The following CLSTN2 variants were observed in gnomAD, a reference collection of about 807,000 sequenced individuals.
CLSTN2 encodes calsyntenin-2.
In CLSTN2, 48 loss-of-function variants were observed where a neutral mutation model predicts 101.2. The ratio of observed to expected loss-of-function variants is 0.47; its 90% CI spans 0.38 to 0.60. CLSTN2 has a LOEUF of 0.60. Ranked by LOEUF, CLSTN2 falls within the 20% of genes least tolerant of loss-of-function variation. The probability of loss-of-function intolerance (pLI) is 0.00; values close to 1 mark genes in which losing one functional copy is unlikely to be tolerated. For synonymous variants in CLSTN2, 481 were observed against 463.6 expected (o/e 1.04, Z -0.48); for missense variants, 1,160 against 1,238.2 (o/e 0.94, Z 0.95).
chr3:140,383,114 G>A (rs1432575220), intron 2 of CLSTN2, among the ~76,000 whole-genome samples: 7 of 152,144 alleles, frequency 4.6e-5, no homozygotes, highest in Admixed American at 2.0e-4. Flanking sequence ...TGTGAGGATA[G>A]TAAAATGACT....
intron 1 of CLSTN2, among the ~76,000 whole-genome samples, chr3:140,104,492 A>G (rs577902349): frequency 1.3e-5 from 2 of 152,322 alleles, no homozygotes; most frequent in South Asian, 4.1e-4. Flanking sequence ...ATTGGCTAAG[A>G]CTATAGTAGT....
chr3:140,291,065 C>A (rs2086945837), intron 2 of CLSTN2, among the ~76,000 whole-genome samples: 1 of 152,138 alleles, frequency 6.6e-6, no homozygotes, highest in South Asian at 2.1e-4. Flanking sequence ...TCCTTCTCAG[C>A]AAAACATTAC....
intron 1 of CLSTN2, among the ~76,000 whole-genome samples, chr3:140,171,826 A>AT (rs2010237795): frequency 7.6e-5 from 7 of 92,276 alleles, no homozygotes; most frequent in Admixed American, 4.3e-4. Flanking sequence ...TATATTATAT[A>AT]TAATAACAAT....
At chr3:140,040,477 G>A (rs977826862) in intron 1 of CLSTN2, among the ~76,000 whole-genome samples, 1 of 151,946 alleles carries the variant, frequency 6.6e-6, no homozygotes, top group African/African-American at 2.4e-5. Flanking sequence ...CCTCACCCCT[G>A]GCAAGCATTC....
chr3:140,046,159 T>C (rs1301682751), intron 1 of CLSTN2, among the ~76,000 whole-genome samples: 2 of 152,248 alleles, frequency 1.3e-5, no homozygotes, highest in African/African-American at 4.8e-5. Context: ...AGTCTCTTTG[T>C]AGGTCTCTAA....
intron 8 of CLSTN2, among the ~76,000 whole-genome samples, chr3:140,499,915 A>T (rs1434988613): frequency 6.6e-6 from 1 of 152,060 alleles, no homozygotes; most frequent in African/African-American, 2.4e-5. Flanking sequence ...AATACAAAAA[A>T]AATTAGCCGG....
chr3:140,559,069 G>T (rs568125778), intron 12 of CLSTN2, among the ~76,000 whole-genome samples: 1 of 152,068 alleles, frequency 6.6e-6, no homozygotes, highest in East Asian at 1.9e-4. Context: ...AGGGATATGA[G>T]GTTGGAGGGA....
At chr3:140,321,288 A>G (rs1472344102) in intron 2 of CLSTN2, among the ~76,000 whole-genome samples, 1 of 152,132 alleles carries the variant, frequency 6.6e-6, no homozygotes, top group African/African-American at 2.4e-5. Context: ...CCCCATGCTC[A>G]AGCCTCCTAA....
intron 8 of CLSTN2, among the ~76,000 whole-genome samples, chr3:140,514,192 G>A (rs1934871487): frequency 6.6e-6 from 1 of 151,984 alleles, no homozygotes; most frequent in East Asian, 1.9e-4. Flanking sequence ...TTGGCTACAT[G>A]AATAAGTTCT....
intron 1 of CLSTN2, among the ~76,000 whole-genome samples, chr3:140,134,010 T>G (rs2107805424): frequency 6.6e-6 from 1 of 152,282 alleles, no homozygotes; most frequent in South Asian, 2.1e-4. Flanking sequence ...CTGGCTGCAG[T>G]TTGGACCTTG....
At chr3:140,408,714 A>G (rs2088331873) in intron 4 of CLSTN2, among the ~76,000 whole-genome samples, 1 of 152,068 alleles carries the variant, frequency 6.6e-6, no homozygotes, top group African/African-American at 2.4e-5. Flanking sequence ...GCCGTTGTAG[A>G]CACCCCAACC....
chr3:139,944,479 A>C (rs1003895608), intron 1 of CLSTN2, among the ~76,000 whole-genome samples: 1 of 152,242 alleles, frequency 6.6e-6, no homozygotes, highest in Non-Finnish European at 1.5e-5. Flanking sequence ...TGCTTCTGCC[A>C]ACTAAGTGGT....
intron 1 of CLSTN2, among the ~76,000 whole-genome samples, chr3:139,987,516 G>A (rs1359880986): frequency 1.3e-5 from 2 of 152,122 alleles, no homozygotes; most frequent in African/African-American, 4.8e-5. Context: ...TCACCAACAG[G>A]GTCTCTTTCC....
At chr3:140,067,113 G>T (rs185263622) in intron 1 of CLSTN2, among the ~76,000 whole-genome samples, 55 of 152,276 alleles carry the variant, frequency 3.6e-4, no homozygotes, top group African/African-American at 1.1e-3. Context: ...AAAGGGGAAT[G>T]TGGTGATAGT....
intron 8 of CLSTN2, among the ~76,000 whole-genome samples, chr3:140,495,867 C>T (rs1240066409): frequency 6.6e-6 from 1 of 151,902 alleles, no homozygotes; most frequent in Admixed American, 6.6e-5. Context: ...GTTACTGTAC[C>T]CTTGTAGTAT....
At chr3:140,265,557 G>T (rs987350049) in intron 2 of CLSTN2, among the ~76,000 whole-genome samples, 1 of 152,174 alleles carries the variant, frequency 6.6e-6, no homozygotes, top group Non-Finnish European at 1.5e-5. Context: ...ACTCTGGATG[G>T]CCTATCCCCA....
chr3:140,431,431 A>C (rs2088627540), intron 5 of CLSTN2, among the ~76,000 whole-genome samples: 1 of 152,126 alleles, frequency 6.6e-6, no homozygotes, highest in Non-Finnish European at 1.5e-5. Context: ...CCTTAAAGAG[A>C]ATTCAGCATG....
chr3:140,163,134 T>C (rs2010077458), intron 1 of CLSTN2, among the ~76,000 whole-genome samples: 1 of 152,188 alleles, frequency 6.6e-6, no homozygotes, highest in Non-Finnish European at 1.5e-5. Flanking sequence ...AATCAAACAC[T>C]AGTCTAGATA....
At chr3:140,508,976 A>G (rs918322151) in intron 8 of CLSTN2, among the ~76,000 whole-genome samples, 2 of 152,136 alleles carry the variant, frequency 1.3e-5, no homozygotes, top group Non-Finnish European at 2.9e-5. Flanking sequence ...AGAAGCAGGA[A>G]GAAATATGTC....
Sources: allele counts gnomAD v4.1 joint callset (sites outside exome capture counted in the v4.1 genomes callset), GRCh38; gene constraint gnomAD v4.1.1; transcripts MANE v1.5; gene names NCBI Gene and HGNC (gene_info 2026-07-23, HGNC 2026-07-21).